The following PDZD2 variants were observed in gnomAD, a reference collection of about 807,000 sequenced individuals.
PDZD2 encodes the protein PDZ domain-containing protein 2.
A neutral mutation model predicts 220.7 loss-of-function variants in PDZD2; 90 were observed. That is an observed-to-expected ratio of 0.41 (90% CI 0.34 to 0.49). The LOEUF is 0.49. Among genes scored for constraint, PDZD2 ranks in the 20% least tolerant of loss-of-function variants. PDZD2 has a pLI of 0.28. For synonymous variants in PDZD2, 1,375 were observed against 1,450.5 expected, an observed-to-expected ratio of 0.95 and a Z score of 1.18; for missense variants, 3,174 against 3,608.5, an observed-to-expected ratio of 0.88 and a Z score of 3.08.
At chr5:31,765,229 C>T (rs370142905) in intron 1 of PDZD2, among the ~76,000 whole-genome samples, 1 of 152,158 alleles carries the variant, frequency 6.6e-6, no homozygotes, top group East Asian at 1.9e-4. Context: ...ACTGGCATTC[C>T]TTCAACACCA....
chr5:31,677,034 A>T (rs1202519783), intron 1 of PDZD2, among the ~76,000 whole-genome samples: 1 of 152,052 alleles, frequency 6.6e-6, no homozygotes, highest in African/African-American at 2.4e-5. Context: ...TGTCCCCTCG[A>T]TAGGGTCAGC....
chr5:32,047,341 CAGCATGGGTAA>C (rs1738074983), intron 7 of PDZD2, among the ~76,000 whole-genome samples: 2 of 152,154 alleles, frequency 1.3e-5, no homozygotes. Flanking sequence ...GCTGGTGAAA[CAGCATGGGTAA>C]AGCTGGACAG....
At chr5:31,789,787 G>A (rs141691804) in intron 1 of PDZD2, among the ~76,000 whole-genome samples, 1,915 of 152,126 alleles carry the variant, frequency 0.013, 13 homozygotes, top group Middle Eastern at 0.045. Context: ...GTGTGGTGGC[G>A]GGCGCCTGTA....
intron 2 of PDZD2, chr5:31,847,961 C>T (rs1453445748): frequency 2.3e-6 from 1 of 434,564 alleles, no homozygotes; most frequent in Non-Finnish European, 4.5e-6. Context: ...CAGCATAACT[C>T]CAGACATGAT....
chr5:31,671,903 AG>A (rs1363264812), intron 1 of PDZD2, among the ~76,000 whole-genome samples: 1 of 152,108 alleles, frequency 6.6e-6, no homozygotes, highest in Non-Finnish European at 1.5e-5. Context: ...CCTCACCTGG[AG>A]GGGTGGAGCT....
Position 31,954,949 on chromosome 5 carries a change from C to T in PDZD2, c.477-28206C>T, listed in dbSNP as rs539756257. On this transcript the variant is annotated intron_variant, in intron 2 of 24. Transcript: ENST00000438447. ...GAGACTCTGTCTCAAAAAAAACAAC[C>T]ACTAGGGAACAATTTGAGAAAGTTT... Among the ~76,000 whole-genome samples the T allele has an allele frequency of 1.1e-4, 16 of 151,980 alleles. No individual in the cohort carries two copies. The South Asian group carries it at 2.9e-3, about 28-fold the overall frequency.
At chr5:31,860,372 G>A (rs909994934) in intron 2 of PDZD2, among the ~76,000 whole-genome samples, 7 of 152,168 alleles carry the variant, frequency 4.6e-5, no homozygotes, top group Non-Finnish European at 1.0e-4. Context: ...CCACACTGCT[G>A]TGCTAGGTTT....
intron 6 of PDZD2, among the ~76,000 whole-genome samples, chr5:32,011,795 C>T (rs1225245134): frequency 3.3e-5 from 5 of 152,140 alleles, no homozygotes; most frequent in African/African-American, 7.2e-5. Flanking sequence ...AGTTGCTTTT[C>T]GTCTTCCTTT....
At chr5:31,857,267 C>T (rs975167528) in intron 2 of PDZD2, among the ~76,000 whole-genome samples, 4 of 152,294 alleles carry the variant, frequency 2.6e-5, no homozygotes, top group East Asian at 1.9e-4. Context: ...TGTCCTCCTC[C>T]GCTTGCCGCT....
intron 2 of PDZD2, chr5:31,822,744 A>G: frequency 8.4e-7 from 1 of 1,187,822 alleles, no homozygotes. Context: ...AACAAGGAAC[A>G]CCTGGCCTCA....
intron 19 of PDZD2, among the ~76,000 whole-genome samples, chr5:32,085,963 A>G (rs1016287312): frequency 2.0e-5 from 3 of 151,434 alleles, no homozygotes; most frequent in African/African-American, 7.3e-5. Flanking sequence ...GTACTCTTCC[A>G]TTGTCTTCCT....
chr5:31,993,094 T>A lies in PDZD2; in HGVS notation c.979-2482T>A, dbSNP rs551741236. Among the ~76,000 whole-genome samples the A allele has an allele frequency of 9.2e-5, 14 of 152,080 alleles. No homozygotes were observed. In the South Asian group the frequency reaches 2.5e-3, roughly 27 times the overall value. On this transcript the variant is annotated intron_variant, in intron 3 of 24. Coordinates refer to ENST00000438447, the MANE Select transcript of PDZD2 (RefSeq NM_178140.4). ...CTCCTCAAGGATGGCTTTTTGGAAG[T>A]AGTAGAGCCATGAGAGACTTCGAAG...
chr5:31,642,796 AG>A (rs1451606420), intron 1 of PDZD2, among the ~76,000 whole-genome samples: 1 of 152,172 alleles, frequency 6.6e-6, no homozygotes, highest in Admixed American at 6.5e-5. Context: ...GGAGAGAATG[AG>A]GAAAACAGGG....
intron 1 of PDZD2, among the ~76,000 whole-genome samples, chr5:31,645,051 AG>A (rs1745084500): frequency 1.3e-5 from 2 of 152,176 alleles, no homozygotes; most frequent in South Asian, 4.1e-4. Flanking sequence ...TTGTCTTTTA[AG>A]TCTAAGAAGC....
chr5:31,827,538 C>T (rs1756300269), intron 2 of PDZD2, among the ~76,000 whole-genome samples: 1 of 151,704 alleles, frequency 6.6e-6, no homozygotes, highest in African/African-American at 2.4e-5. Flanking sequence ...ACTAAAAATA[C>T]AAAAATTAGC....
chr5:32,003,544 A>G (rs1431496990), intron 5 of PDZD2, among the ~76,000 whole-genome samples: 1 of 151,246 alleles, frequency 6.6e-6, no homozygotes, highest in African/African-American at 2.4e-5. Flanking sequence ...ACACACACAG[A>G]GGCATGTGTC....
At chr5:31,818,711 C>T (rs947796186) in intron 2 of PDZD2, among the ~76,000 whole-genome samples, 5 of 152,100 alleles carry the variant, frequency 3.3e-5, no homozygotes, top group African/African-American at 1.2e-4. Flanking sequence ...TCAGATACCC[C>T]GTCTCTCCTC....
Position 31,983,584 on chromosome 5 carries a change from C to T in PDZD2, c.906C>T (p.Thr302=). ...HRIPKTDAPL[T]TSNDKRRFSK... ...TTCCAAAGACAGATGCTCCTCTGAC[C>T]ACAAGCAATGACAAACGCCGCTTCT... Residue 302 remains threonine, a synonymous_variant, in exon 3 of 25, where the codon ACC becomes ACT. Transcript: ENST00000438447. 1 of 1,614,104 alleles carries T rather than the reference C, an allele frequency of 6.2e-7. No homozygotes were observed. The highest frequency in any genetic ancestry group is 8.5e-7 in the Non-Finnish European group (1 of 1,179,956).
At chr5:31,802,642 C>T (rs970895613) in intron 2 of PDZD2, among the ~76,000 whole-genome samples, 4 of 152,102 alleles carry the variant, frequency 2.6e-5, no homozygotes, top group Non-Finnish European at 5.9e-5. Context: ...ACACATGAGC[C>T]GTGCGCCGTG....
Sources: gnomAD v4.1 joint callset for allele counts (sites outside exome capture counted in the v4.1 genomes callset) on GRCh38, gnomAD v4.1.1 for gene constraint, MANE v1.5 for transcripts, NCBI Gene and HGNC (gene_info 2026-07-23, HGNC 2026-07-21) for gene names.